AP4S1: variants seen among roughly 807,000 people sequenced by gnomAD.
The protein encoded by AP4S1 is adaptor related protein complex 4 subunit sigma 1.
Under a neutral mutation model 19.8 loss-of-function variants are expected in AP4S1, and 23 were observed. The ratio of observed to expected loss-of-function variants is 1.16; its 90% CI spans 0.84 to 1.65. The LOEUF is 1.65. Among genes scored for constraint, AP4S1 ranks in the 40% most tolerant of loss-of-function variants. The pLI, the probability that AP4S1 is intolerant of heterozygous loss-of-function variation, is 0.00. For synonymous variants in AP4S1, 46 were observed against 54.1 expected (o/e 0.85, Z 0.66); for missense variants, 166 against 172.8 (o/e 0.96, Z 0.22).
chr14:31,030,962 C>T (rs1268621921), intron 1 of AP4S1, among the ~76,000 whole-genome samples: 1 of 152,096 alleles, frequency 6.6e-6, no homozygotes. Context: ...GCTCTGTGTT[C>T]CGACCCAAAT....
chr14:31,049,431 ATATATATATAT>A lies in AP4S1; in HGVS notation c.-71-16694_-71-16684del, dbSNP rs1566520596. Reference sequence around the variant, plus strand: ...TCGGTCTCAAAAAAAAAAAAAAAATATATATATATATATATATATATATATATATATGTATA... The same window carrying A: ...TCGGTCTCAAAAAAAAAAAAAAAATAATATATATATATATATATATGTATA... On this transcript the variant is annotated intron_variant, in intron 1 of 5. Transcript: ENST00000542754. Among the ~76,000 whole-genome samples the A allele has an allele frequency of 9.1e-3, 403 of 44,098 alleles. 15 individuals are homozygous for A. Among genetic ancestry groups the A allele is most frequent in the African/African-American group, 0.036 (368 of 10,354 alleles). 28.9% of individuals were successfully genotyped at this position (44,098 alleles called of 152,430 possible). A position where few individuals can be genotyped will look rare whatever the true frequency, so the allele number is the denominator to read the frequency against.
intron 1 of AP4S1, among the ~76,000 whole-genome samples, chr14:31,053,589 C>CTTTTTTTTTTTTTTTTTTTTT (rs758966011): frequency 2.8e-5 from 2 of 71,110 alleles, no homozygotes; most frequent in Non-Finnish European, 4.9e-5. Context: ...TGACTTTTTT[C>CTTTTTTTTTTTTTTTTTTTTT]TTTTTTTTTT....
At chr14:31,087,018 A>G (rs74393021) in intron 5 of AP4S1, among the ~76,000 whole-genome samples, 1 of 151,974 alleles carries the variant, frequency 6.6e-6, no homozygotes, top group African/African-American at 2.4e-5. Context: ...GAAAAAAAAA[A>G]TAGTTCTGGG....
chr14:31,084,805 C>T (rs1426880097), intron 5 of AP4S1: 1 of 1,614,168 alleles, frequency 6.2e-7, no homozygotes, highest in Non-Finnish European at 8.5e-7. Flanking sequence ...ATGCTCAGCC[C>T]TGGAGCCCCA....
At chr14:31,048,863 C>A (rs1396490314) in intron 1 of AP4S1, among the ~76,000 whole-genome samples, 2 of 152,138 alleles carry the variant, frequency 1.3e-5, no homozygotes, top group Non-Finnish European at 2.9e-5. Context: ...AGGAGGCTAC[C>A]ACCCAACCAG....
intron 1 of AP4S1, among the ~76,000 whole-genome samples, chr14:31,055,815 ATTTTCTTTTTTTTTTTCTT>A (rs1886078551): frequency 6.8e-6 from 1 of 147,638 alleles, no homozygotes; most frequent in Non-Finnish European, 1.5e-5. Flanking sequence ...ATCAACTATC[ATTTTCTTTTTTTTTTTCTT>A]TTTTCTTTTT....
chr14:31,028,188 T>A (rs944041733), intron 1 of AP4S1, among the ~76,000 whole-genome samples: 74 of 152,128 alleles, frequency 4.9e-4, no homozygotes, highest in African/African-American at 1.5e-3. Context: ...TATTTATTTT[T>A]TTTTTTTGAG....
chr14:31,026,266 C>T lies in AP4S1; in HGVS notation c.-72+479C>T, dbSNP rs557037433. ...GCCGGAGAGGGTGGCCCCGCGCTGG[C>T]TGCGGGGCGGAGGCCGGCCGGGAGA... On this transcript the variant is annotated intron_variant, in intron 1 of 5. Coordinates refer to ENST00000542754, the MANE Select transcript of AP4S1 (RefSeq NM_001128126.3). 1,138 of 1,318,062 alleles carry T rather than the reference C, an allele frequency of 8.6e-4. 2 individuals are homozygous for T. The highest frequency in any genetic ancestry group is 1.5e-3 in the Admixed American group (36 of 24,008). The allele number at this position is 1,318,062 out of a possible 1,614,324, so 81.6% of individuals were successfully genotyped here. A position where few individuals can be genotyped will look rare whatever the true frequency, so the allele number is the denominator to read the frequency against.
At position 31,090,683 on chromosome 14, in the gene AP4S1, T is replaced by C. The variant is rs889536999; in HGVS notation, c.307-2224T>C. Among the ~76,000 whole-genome samples, 12 of 152,374 alleles carry C rather than the reference T, an allele frequency of 7.9e-5. 1 individual carries two copies. The South Asian group carries it at 1.9e-3, about 24-fold the overall frequency. On this transcript the variant is annotated intron_variant, in intron 5 of 5. Transcript: ENST00000542754. ...CATGGGCTTAGCATATAGGGTATTT[T>C]TTGGTCCCTGCTTACCTGGCACATG...
At chr14:31,063,617 T>TAA (rs1886559637) in intron 1 of AP4S1, among the ~76,000 whole-genome samples, 1 of 151,980 alleles carries the variant, frequency 6.6e-6, no homozygotes, top group African/African-American at 2.4e-5. Context: ...TCAGGACTGT[T>TAA]AAAGTCATGA....
At chr14:31,062,891 C>T (rs746804098) in intron 1 of AP4S1, among the ~76,000 whole-genome samples, 22 of 151,534 alleles carry the variant, frequency 1.5e-4, no homozygotes, top group Admixed American at 1.1e-3. Flanking sequence ...GGCATGAACC[C>T]GGGAGGCGGA....
At chr14:31,034,855 G>A (rs895435498) in intron 1 of AP4S1, among the ~76,000 whole-genome samples, 5 of 150,642 alleles carry the variant, frequency 3.3e-5, no homozygotes, top group Admixed American at 1.3e-4. Flanking sequence ...TCAAACTCCC[G>A]ACCTCAGGTG....
chr14:31,073,134 T>C, intron 4 of AP4S1, 161 bp downstream of exon 4: 1 of 689,302 alleles, frequency 1.5e-6, no homozygotes, highest in African/African-American at 1.8e-5. Flanking sequence ...CCTTCTGGTT[T>C]ATCCAAAGTG....
At chr14:31,035,157 A>G (rs1306577098) in intron 1 of AP4S1, among the ~76,000 whole-genome samples, 3 of 149,454 alleles carry the variant, frequency 2.0e-5, no homozygotes, top group Admixed American at 1.3e-4. Flanking sequence ...GCAAAACACC[A>G]TACCATTATC....
rs535625016 is a variant in AP4S1, at chr14:31,077,261, G to T, written c.295-3312G>T. 1.3e-4 allele frequency among the ~76,000 whole-genome samples: 19 copies of T among 151,888 alleles called. 1 individual carries two copies. In the South Asian group the frequency reaches 3.1e-3, roughly 25 times the overall value. On this transcript the variant is annotated intron_variant, in intron 4 of 5. Transcript: ENST00000542754. ...CAGCACAAGCTTATTTTTTAAAGTT[G>T]TTTTTTTTCATTTCGCATTTAAATA... is the stretch of plus-strand genomic sequence containing the variant.
chr14:31,071,971 G>T lies in AP4S1; in HGVS notation c.226-934G>T, dbSNP rs112497868. 5.9e-5 allele frequency among the ~76,000 whole-genome samples: 9 copies of T among 151,318 alleles called. 1 individual carries two copies. The highest frequency in any genetic ancestry group is 1.9e-4 in the African/African-American group (8 of 41,230). On this transcript the variant is annotated intron_variant, in intron 3 of 5. Transcript: ENST00000542754. Reference sequence around the variant, plus strand: ...GAGTCTCGCTATGTCACTCAGGTTGGAGTACAGTGGCACAATCTTGGCTCA... The same window carrying T: ...GAGTCTCGCTATGTCACTCAGGTTGTAGTACAGTGGCACAATCTTGGCTCA...
intron 3 of AP4S1, among the ~76,000 whole-genome samples, chr14:31,071,640 G>C (rs769120422): frequency 6.6e-6 from 1 of 151,910 alleles, no homozygotes; most frequent in Admixed American, 6.6e-5. Flanking sequence ...GGATGGTCTC[G>C]ATCTCCTGAC....
intron 4 of AP4S1, among the ~76,000 whole-genome samples, chr14:31,075,152 C>G (rs748694078): frequency 6.6e-6 from 1 of 152,140 alleles, no homozygotes; most frequent in Non-Finnish European, 1.5e-5. Flanking sequence ...CATATTTGCA[C>G]CCATTAATCT....
intron 1 of AP4S1, among the ~76,000 whole-genome samples, chr14:31,031,973 T>C (rs1364408847): frequency 6.6e-6 from 1 of 151,502 alleles, no homozygotes; most frequent in Non-Finnish European, 1.5e-5. Context: ...GGCAGGTGCC[T>C]GTAGTCCCAG....
Sources: gnomAD v4.1 joint callset for allele counts (sites outside exome capture counted in the v4.1 genomes callset) on GRCh38, gnomAD v4.1.1 for gene constraint, MANE v1.5 for transcripts, NCBI Gene and HGNC (gene_info 2026-07-23, HGNC 2026-07-21) for gene names.